The following NCOA1 variants were observed in gnomAD, a reference collection of about 807,000 sequenced individuals.
NCOA1 encodes the protein Hin-2 protein.
Under a neutral mutation model 150.9 loss-of-function variants are expected in NCOA1, and 35 were observed. The ratio of observed to expected loss-of-function variants is 0.23; its 90% CI spans 0.18 to 0.31. The LOEUF is 0.31. Among genes scored for constraint, NCOA1 ranks in the 10% least tolerant of loss-of-function variants. The pLI is 1.00. For missense variants in NCOA1, 1,491 were observed against 1,749.3 expected, an observed-to-expected ratio of 0.85 and a Z score of 2.63; for synonymous variants, 590 against 630.0, an observed-to-expected ratio of 0.94 and a Z score of 0.95.
intron 3 of NCOA1, among the ~76,000 whole-genome samples, chr2:24,638,423 A>C (rs1670037386): frequency 1.3e-5 from 2 of 152,066 alleles, no homozygotes; most frequent in Admixed American, 1.3e-4. Flanking sequence ...AACTATTGTA[A>C]ATAGTGTTGC....
At chr2:24,500,314 G>A (rs1663407100) in intron 1 of NCOA1, among the ~76,000 whole-genome samples, 1 of 152,040 alleles carries the variant, frequency 6.6e-6, no homozygotes, top group South Asian at 2.1e-4. Flanking sequence ...CTCCATGTTG[G>A]TCAAGCTGGT....
intron 19 of NCOA1, among the ~76,000 whole-genome samples, chr2:24,746,507 A>T (rs897991596): frequency 7.9e-5 from 12 of 152,290 alleles, no homozygotes; most frequent in African/African-American, 2.9e-4. Flanking sequence ...ACGCTACTGC[A>T]CTCTAGTCTG....
At chr2:24,542,309 T>C (rs922529821) in intron 1 of NCOA1, among the ~76,000 whole-genome samples, 2 of 152,088 alleles carry the variant, frequency 1.3e-5, no homozygotes, top group Non-Finnish European at 2.9e-5. Context: ...TGTTCAAGGA[T>C]AAGAGGGAAA....
At chr2:24,687,180 C>G (rs773985283) in intron 8 of NCOA1, among the ~76,000 whole-genome samples, 17 of 152,016 alleles carry the variant, frequency 1.1e-4, no homozygotes, top group Non-Finnish European at 2.2e-4. Flanking sequence ...TTTTCCTTTT[C>G]TCTACCTTCT....
intron 12 of NCOA1, 60 bp downstream of exon 12, chr2:24,705,293 G>T (rs1673363732): frequency 6.5e-7 from 1 of 1,534,126 alleles, no homozygotes; most frequent in Non-Finnish European, 8.9e-7. Flanking sequence ...TCTTATTAGA[G>T]AAATTTTTTA....
chr2:24,505,641 C>A (rs1377385392), intron 1 of NCOA1, among the ~76,000 whole-genome samples: 1 of 152,054 alleles, frequency 6.6e-6, no homozygotes, highest in Admixed American at 6.6e-5. Flanking sequence ...GTAGTAAACA[C>A]CCCTCCCCCC....
chr2:24,686,953 C>G (rs1472761138), intron 8 of NCOA1, among the ~76,000 whole-genome samples: 1 of 151,258 alleles, frequency 6.6e-6, no homozygotes, highest in Non-Finnish European at 1.5e-5. Flanking sequence ...TTTTTCACAT[C>G]TCAGAAAGTG....
At chr2:24,762,877 TG>T in intron 22 of NCOA1, 101 bp downstream of exon 22, 1 of 994,660 alleles carries the variant, frequency 1.0e-6, no homozygotes, top group Non-Finnish European at 1.6e-6. Flanking sequence ...GAGTCAGACC[TG>T]GGTGTGAGTC....
chr2:24,640,384 A>G (rs1010962989), intron 3 of NCOA1, among the ~76,000 whole-genome samples: 3 of 152,154 alleles, frequency 2.0e-5, no homozygotes, highest in African/African-American at 7.2e-5. Flanking sequence ...GGTTTTTAAA[A>G]ATCTAGTTGT....
intron 14 of NCOA1, among the ~76,000 whole-genome samples, chr2:24,713,199 C>T (rs1397885103): frequency 3.3e-5 from 5 of 151,698 alleles, no homozygotes; most frequent in South Asian, 2.1e-4. Flanking sequence ...CCATTGCACT[C>T]CAGCCTGGGC....
chr2:24,693,915 T>C lies in NCOA1; in HGVS notation c.808+568T>C, dbSNP rs138276741. Among the ~76,000 whole-genome samples the C allele has an allele frequency of 1.7e-4, 26 of 152,246 alleles. No individual in the cohort carries two copies. In the East Asian group the frequency reaches 4.4e-3, roughly 26 times the overall value. On this transcript the variant is annotated intron_variant, in intron 10 of 22. Transcript: ENST00000348332. The stretch of plus-strand genomic sequence containing the variant: ...TATAAGGGAGGATATATGAAATTAG[T>C]TGGTCAGCAAAGGCCTGTCTGAGGA...
intron 1 of NCOA1, among the ~76,000 whole-genome samples, chr2:24,508,818 G>C (rs894046784): frequency 2.0e-5 from 3 of 152,174 alleles, no homozygotes; most frequent in African/African-American, 7.2e-5. Context: ...CAACTTTATA[G>C]ATAGTATTGT....
intron 3 of NCOA1, among the ~76,000 whole-genome samples, chr2:24,620,714 GTA>G (rs1192246765): frequency 2.1e-4 from 32 of 151,464 alleles, no homozygotes; most frequent in African/African-American, 7.5e-4. Context: ...AAAGTGTTTT[GTA>G]TGTTCACTGG....
intron 14 of NCOA1, among the ~76,000 whole-genome samples, chr2:24,712,217 T>C (rs1673781263): frequency 6.6e-6 from 1 of 152,256 alleles, no homozygotes; most frequent in Admixed American, 6.5e-5. Context: ...AAGAATTAGA[T>C]TAAATGATTT....
At chr2:24,603,392 C>T (rs1344042347) in intron 3 of NCOA1, among the ~76,000 whole-genome samples, 1 of 152,170 alleles carries the variant, frequency 6.6e-6, no homozygotes, top group African/African-American at 2.4e-5. Context: ...CATTGATTGA[C>T]TCTTCCTTTC....
At chr2:24,588,644 C>G (rs905923769) in intron 3 of NCOA1, among the ~76,000 whole-genome samples, 2 of 152,200 alleles carry the variant, frequency 1.3e-5, no homozygotes, top group Admixed American at 1.3e-4. Flanking sequence ...TACTGGCCAT[C>G]ATTGGTGTTT....
intron 4 of NCOA1, among the ~76,000 whole-genome samples, chr2:24,653,675 T>TAGCA (rs1670802898): frequency 6.6e-6 from 1 of 152,150 alleles, no homozygotes; most frequent in African/African-American, 2.4e-5. Context: ...TTGTAACTTA[T>TAGCA]AGCACATTGT....
intron 1 of NCOA1, among the ~76,000 whole-genome samples, chr2:24,520,428 A>G (rs1664371841): frequency 6.6e-6 from 1 of 152,190 alleles, no homozygotes; most frequent in Non-Finnish European, 1.5e-5. Context: ...AAATGAAATA[A>G]CCATATGCCC....
chr2:24,653,528 T>C (rs1197909360), intron 4 of NCOA1, among the ~76,000 whole-genome samples: 2 of 152,208 alleles, frequency 1.3e-5, no homozygotes, highest in African/African-American at 4.8e-5. Flanking sequence ...ATTAGTAAGA[T>C]AGGTTAATTG....
Sources: gnomAD v4.1 joint callset for allele counts (sites outside exome capture counted in the v4.1 genomes callset) on GRCh38, gnomAD v4.1.1 for gene constraint, MANE v1.5 for transcripts, NCBI Gene and HGNC (gene_info 2026-07-23, HGNC 2026-07-21) for gene names.